The following MTERF4 variants were observed in gnomAD, a reference collection of about 807,000 sequenced individuals.
The protein encoded by MTERF4 is mitochondrial transcription termination factor 4.
MTERF4 carries 17 observed loss-of-function variants against 22.5 expected under a neutral mutation model. That is an observed-to-expected ratio of 0.75 (90% CI 0.52 to 1.13). The LOEUF is 1.13. MTERF4 is among the 50% of genes most tolerant of loss of function. MTERF4 has a pLI of 0.00. For synonymous variants in MTERF4, 165 were observed against 175.3 expected (o/e 0.94, Z 0.47); for missense variants, 420 against 466.8 (o/e 0.90, Z 0.92).
chr2:241,070,242 T>C, downstream of MTERF4: 1 of 1,558,048 alleles, frequency 6.4e-7, no homozygotes, highest in Non-Finnish European at 8.6e-7. Flanking sequence ...GGCCAGTGTT[T>C]GCCAGCCCTC....
chr2:241,071,538 AG>A (rs778397444), downstream of MTERF4: 91 of 1,561,068 alleles, frequency 5.8e-5, no homozygotes, highest in Admixed American at 1.6e-3. Context: ...AGCAGAGGGC[AG>A]CCCCAGACCA....
the MTERF4 span, among the ~76,000 whole-genome samples, chr2:241,054,031 TC>T: frequency 1.3e-5 from 2 of 152,130 alleles, no homozygotes; most frequent in African/African-American, 4.8e-5. Context: ...CCCATCCCTG[TC>T]CCCCACATGC....
chr2:241,065,098 C>G, the MTERF4 span: 2 of 816,830 alleles, frequency 2.4e-6, no homozygotes, highest in South Asian at 3.6e-5. Flanking sequence ...GGATAAAATC[C>G]CCCGGTGGGC....
In MTERF4 at chr2:241,099,425, C is replaced by T. The variant is rs976810680; in HGVS notation, c.491G>A (p.Ser164Asn). The T allele has an allele frequency of 1.9e-6, 3 of 1,613,904 alleles. No homozygotes were observed. The highest frequency in any genetic ancestry group is 2.5e-6 in the Non-Finnish European group (3 of 1,179,958). Residue 164 changes from serine to asparagine, a missense_variant, in exon 2 of 4, where the codon AGT becomes AAT. By Grantham distance (46) the Ser-to-Asn change is conservative (BLOSUM62 1). Coordinates refer to ENST00000391980, the MANE Select transcript of MTERF4 (RefSeq NM_182501.4). ...TCCAAGCCCAAGCTTTTGCAGGTAACTGGAGCGCTTCCTCATTTGCATAAT... is the reference window on the plus strand; with the variant it reads ...TCCAAGCCCAAGCTTTTGCAGGTAATTGGAGCGCTTCCTCATTTGCATAAT... ...LPIMQMRKRS[S>N]YLQKLGLGEG... is the part of the protein sequence containing the mutation.
At chr2:241,063,073 C>A in the MTERF4 span, among the ~76,000 whole-genome samples, 1 of 152,238 alleles carries the variant, frequency 6.6e-6, no homozygotes, top group African/African-American at 2.4e-5. Flanking sequence ...TTACAAATAT[C>A]CCTTCCTGCA....
chr2:241,092,446 T>C (rs2125362169), downstream of MTERF4: 1 of 152,304 alleles, frequency 6.6e-6, no homozygotes, highest in East Asian at 1.9e-4. This position sits in a 1 kb window ranked among gnomAD's most constrained non-coding sequence, Gnocchi z 4.6. Context: ...GGTGGCCAAA[T>C]TGGCCCATGG....
downstream of MTERF4, chr2:241,067,906 G>C: frequency 6.2e-7 from 1 of 1,613,518 alleles, no homozygotes; most frequent in Non-Finnish European, 8.5e-7. Flanking sequence ...TCAGGGACCA[G>C]GCCACCGATG....
intron 4 of MTERF4, among the ~76,000 whole-genome samples, chr2:241,077,177 T>C (rs2063067340): frequency 1.3e-5 from 2 of 151,748 alleles, no homozygotes; most frequent in African/African-American, 4.8e-5. Flanking sequence ...GTGGAAAGAA[T>C]AGTCTCAGCA....
chr2:241,071,385 G>A (rs534115845), downstream of MTERF4: 20 of 633,128 alleles, frequency 3.2e-5, no homozygotes, highest in East Asian at 1.9e-4. Context: ...GGGATGCGGC[G>A]GGTGGGCTGG....
At chr2:241,089,893 C>T (rs1417117456), downstream of MTERF4, 35 of 1,503,118 alleles carry the variant, frequency 2.3e-5, 1 homozygote, top group South Asian at 2.7e-4. Context: ...ATACTGTAGG[C>T]GGTCGTAACA....
At chr2:241,093,253 A>C (rs16843244), downstream of MTERF4, 14,479 of 152,628 alleles carry the variant, frequency 0.095, 1,759 homozygotes, top group African/African-American at 0.26. Context: ...AACCACGTTC[A>C]CAAACGCGTA....
chr2:241,095,833 T>G lies in MTERF4; in HGVS notation c.*165A>C. 2.3e-6 allele frequency: 3 copies of G among 1,303,018 alleles called. No individual in the cohort carries two copies. The highest frequency in any genetic ancestry group is 3.1e-6 in the Non-Finnish European group (3 of 954,268). The allele number at this position is 1,303,018 out of a possible 1,614,324, so 80.7% of individuals were successfully genotyped here. A position where few individuals can be genotyped will look rare whatever the true frequency, so the allele number is the denominator to read the frequency against. ...TGCATTTCCTGTTTCCTGTTTGGTT[T>G]GATCTGTCTGCCTCTCAGGTGACTT... is the stretch of plus-strand genomic sequence containing the variant. On this transcript the variant is annotated 3_prime_UTR_variant, in exon 4 of 4. Transcript: ENST00000391980.
chr2:241,102,079 C>T (rs1285216473), intron 1 of MTERF4, 174 bp downstream of exon 1: 2 of 807,246 alleles, frequency 2.5e-6, no homozygotes, highest in African/African-American at 1.8e-5. Flanking sequence ...ACTCTATATC[C>T]CACAATAATT....
the MTERF4 span, chr2:241,048,323 C>T: frequency 1.2e-6 from 2 of 1,604,730 alleles, no homozygotes; most frequent in Non-Finnish European, 8.5e-7. Context: ...AGGAGACCAT[C>T]CAGTGCCAGA....
chr2:241,090,938 G>A (rs1037324829), downstream of MTERF4, among the ~76,000 whole-genome samples: 1 of 151,998 alleles, frequency 6.6e-6, no homozygotes, highest in African/African-American at 2.4e-5. Context: ...TAATCTCATG[G>A]GACCACTGTC....
At chr2:241,047,832 G>A in the MTERF4 span, among the ~76,000 whole-genome samples, 3 of 151,846 alleles carry the variant, frequency 2.0e-5, no homozygotes, top group Non-Finnish European at 4.4e-5. Flanking sequence ...GGTTTCTCTG[G>A]TGCTTCTTGT....
chr2:241,060,855 C>T, the MTERF4 span, among the ~76,000 whole-genome samples: 110 of 152,050 alleles, frequency 7.2e-4, no homozygotes, highest in Admixed American at 1.4e-3. Flanking sequence ...CACTTGAAAC[C>T]GGAGTTCAAA....
intron 1 of MTERF4, 133 bp downstream of exon 1, chr2:241,102,120 C>T (rs746709897): frequency 2.1e-4 from 270 of 1,270,380 alleles, no homozygotes; most frequent in Non-Finnish European, 2.8e-4. Context: ...GATGCCAAAA[C>T]CAGGTCAGCG....
At chr2:241,051,947 G>A in the MTERF4 span, 1 of 1,479,004 alleles carries the variant, frequency 6.8e-7, no homozygotes, top group Non-Finnish European at 9.3e-7. This position sits in a 1 kb window ranked among gnomAD's most constrained non-coding sequence, Gnocchi z 4.7. Flanking sequence ...TGCCAGCTGT[G>A]GGTCTGCTTC....
Sources: allele counts gnomAD v4.1 joint callset (sites outside exome capture counted in the v4.1 genomes callset), GRCh38; gene constraint gnomAD v4.1.1; non-coding constraint Gnocchi (gnomAD v3.1); transcripts MANE v1.5; gene names NCBI Gene and HGNC (gene_info 2026-07-23, HGNC 2026-07-21).